Variants in PGPEP1L observed in about 807,000 individuals in gnomAD.
PGPEP1L encodes pyroglutamyl-peptidase 1-like protein.
PGPEP1L carries 7 observed loss-of-function variants against 6.0 expected under a neutral mutation model. The observed-to-expected ratio is 1.17, with a 90% confidence interval of 0.66 to 2.19. The LOEUF (loss-of-function observed/expected upper bound fraction) is 2.19. Ranked by LOEUF, PGPEP1L falls within the 30% of genes most tolerant of loss-of-function variation. The pLI, the probability that PGPEP1L is intolerant of heterozygous loss-of-function variation, is 0.00. For missense variants in PGPEP1L, 209 were observed against 192.5 expected (o/e 1.09, Z -0.51); for synonymous variants, 103 against 83.9 (o/e 1.23, Z -1.24).
chr15:98,984,009 C>CTTTTTTTTTTT (rs71456904), intron 2 of PGPEP1L, among the ~76,000 whole-genome samples: 60 of 115,772 alleles, frequency 5.2e-4, no homozygotes, highest in East Asian at 8.5e-4. Flanking sequence ...AGTAAGTAGT[C>CTTTTTTTTTTT]TTTTTTTTTT....
chr15:98,986,698 G>A (rs1308827540), intron 2 of PGPEP1L, among the ~76,000 whole-genome samples: 2 of 152,166 alleles, frequency 1.3e-5, no homozygotes, highest in East Asian at 3.9e-4. Flanking sequence ...TCTGAAGTGG[G>A]GACAACTTCA....
At chr15:98,988,161 G>C (rs539557873) in intron 2 of PGPEP1L, among the ~76,000 whole-genome samples, 5 of 152,198 alleles carry the variant, frequency 3.3e-5, no homozygotes, top group Non-Finnish European at 4.4e-5. Flanking sequence ...CCCCTGGAAA[G>C]AGGGTTGAAG....
chr15:98,973,082 CTT>C (rs577322118), intron 2 of PGPEP1L, among the ~76,000 whole-genome samples: 83 of 152,014 alleles, frequency 5.5e-4, no homozygotes, highest in African/African-American at 1.9e-3. Flanking sequence ...ATAAAATGGA[CTT>C]TAAGTCAAGA....
intron 1 of PGPEP1L, among the ~76,000 whole-genome samples, chr15:99,007,063 C>G (rs1309356073): frequency 2.6e-5 from 4 of 152,130 alleles, no homozygotes; most frequent in Non-Finnish European, 1.5e-5. Context: ...CGGATTAGAC[C>G]CCCCTTGGTG....
intron 2 of PGPEP1L, among the ~76,000 whole-genome samples, chr15:98,979,343 CCA>C (rs1158709873): frequency 2.3e-4 from 1 of 4,426 alleles, no homozygotes; most frequent in African/African-American, 7.7e-4. Flanking sequence ...AAAAAAAAAA[CCA>C]AAAAACACCT....
chr15:98,976,136 C>T (rs776664572), intron 2 of PGPEP1L, among the ~76,000 whole-genome samples: 4 of 151,836 alleles, frequency 2.6e-5, no homozygotes, highest in South Asian at 2.1e-4. Flanking sequence ...GTTCTAGACA[C>T]GATAGTAATG....
At chr15:98,995,618 C>T (rs1375195895) in intron 2 of PGPEP1L, among the ~76,000 whole-genome samples, 1 of 152,146 alleles carries the variant, frequency 6.6e-6, no homozygotes, top group African/African-American at 2.4e-5. Context: ...ATCTCTTGAA[C>T]CTGGGAGGCA....
At chr15:99,001,439 G>A (rs528564763) in intron 2 of PGPEP1L, among the ~76,000 whole-genome samples, 21 of 152,286 alleles carry the variant, frequency 1.4e-4, no homozygotes, top group Non-Finnish European at 2.5e-4. Flanking sequence ...GCTAAGGGGT[G>A]TGGGGTTTCT....
chr15:98,987,668 A>AC (rs2017766361), intron 2 of PGPEP1L, among the ~76,000 whole-genome samples: 1 of 152,174 alleles, frequency 6.6e-6, no homozygotes, highest in East Asian at 1.9e-4. Flanking sequence ...CACATACTCT[A>AC]CTTCTACTCT....
At chr15:98,992,341 C>T (rs907600235) in intron 2 of PGPEP1L, among the ~76,000 whole-genome samples, 4 of 152,150 alleles carry the variant, frequency 2.6e-5, no homozygotes, top group South Asian at 2.1e-4. Flanking sequence ...AGTGAACTCC[C>T]ATTCACAATT....
chr15:98,969,706 C>T, intron 3 of PGPEP1L, 55 bp from the exon 4 acceptor site: 1 of 1,567,912 alleles, frequency 6.4e-7, no homozygotes, highest in Non-Finnish European at 8.7e-7. Flanking sequence ...CCACCCTGCT[C>T]ACCAAATGTG....
intron 4 of PGPEP1L, 35 bp downstream of exon 4, chr15:98,969,390 T>C (rs1411402897): frequency 6.2e-7 from 1 of 1,611,532 alleles, no homozygotes; most frequent in African/African-American, 1.3e-5. Flanking sequence ...GCTTCTCTCC[T>C]ACCTGCTCAG....
chr15:98,968,457 T>C lies in PGPEP1L; in HGVS notation c.*21A>G. Reference sequence around the variant, plus strand: ...TACAGGATTGAAACATTCAATTTTCTCTAGAGGAGCAATCCCCCGGTCAGT... The same window carrying C: ...TACAGGATTGAAACATTCAATTTTCCCTAGAGGAGCAATCCCCCGGTCAGT... On this transcript the variant is annotated 3_prime_UTR_variant, in exon 5 of 5. Transcript: ENST00000535714. 1 of 1,603,774 alleles carries C rather than the reference T, an allele frequency of 6.2e-7. No homozygotes were observed. Among genetic ancestry groups the C allele is most frequent in the Non-Finnish European group, 8.5e-7 (1 of 1,174,116 alleles).
intron 2 of PGPEP1L, among the ~76,000 whole-genome samples, chr15:98,982,699 GCTTTTT>G (rs1459330944): frequency 5.4e-5 from 4 of 73,462 alleles, no homozygotes; most frequent in East Asian, 5.4e-4. Flanking sequence ...TTTATCTGAG[GCTTTTT>G]TTTTTTTTTT....
rs2017981972 is a variant in PGPEP1L at position 99,002,187 on chromosome 15, A to AT, written c.-142+3241dup. 3.3e-5 allele frequency among the ~76,000 whole-genome samples: 5 copies of AT among 151,304 alleles called. No individual in the cohort carries two copies. The South Asian group carries it at 1.0e-3, about 32-fold the overall frequency. On this transcript the variant is annotated intron_variant, in intron 2 of 4. Coordinates refer to ENST00000535714, the MANE Select transcript of PGPEP1L (RefSeq NM_001167902.2). ...CCACCATGTCTGATTAATTTTTTGT[A>AT]TTTTTGCCAGGTTTCCCAGGCTGCC...
At chr15:98,980,076 G>T (rs1319439497) in intron 2 of PGPEP1L, among the ~76,000 whole-genome samples, 2 of 152,004 alleles carry the variant, frequency 1.3e-5, no homozygotes, top group Admixed American at 1.3e-4. Flanking sequence ...CTACAAATTG[G>T]GTTCATGTAT....
At chr15:98,999,893 C>G (rs1555472786) in intron 2 of PGPEP1L, among the ~76,000 whole-genome samples, 1 of 152,270 alleles carries the variant, frequency 6.6e-6, no homozygotes, top group Non-Finnish European at 1.5e-5. Context: ...GCTGGCAGTC[C>G]TTGCAGCCCT....
intron 2 of PGPEP1L, 138 bp downstream of exon 2, chr15:99,005,291 G>A (rs2018035304): frequency 6.6e-6 from 1 of 152,274 alleles, no homozygotes; most frequent in South Asian, 2.1e-4. Flanking sequence ...GTTTCCATCT[G>A]GAATTATTAG....
chr15:98,996,821 C>T (rs1188271670), intron 2 of PGPEP1L, among the ~76,000 whole-genome samples: 2 of 152,102 alleles, frequency 1.3e-5, no homozygotes, highest in African/African-American at 4.8e-5. Flanking sequence ...ATCCTATTTG[C>T]CTGCAGCTAA....
Sources: gnomAD v4.1 joint callset for allele counts (sites outside exome capture counted in the v4.1 genomes callset) on GRCh38, gnomAD v4.1.1 for gene constraint, MANE v1.5 for transcripts, NCBI Gene and HGNC (gene_info 2026-07-23, HGNC 2026-07-21) for gene names.